The following CWC27 variants were observed in gnomAD, a reference collection of about 807,000 sequenced individuals.
CWC27 encodes the protein spliceosome-associated protein CWC27 homolog.
Under a neutral mutation model 63.6 loss-of-function variants are expected in CWC27, and 47 were observed. The observed-to-expected ratio is 0.74, with a 90% confidence interval of 0.58 to 0.94. The LOEUF is 0.94. Among genes scored for constraint, CWC27 ranks in the 40% least tolerant of loss-of-function variants. CWC27 has a pLI of 0.00. For missense variants in CWC27, 495 were observed against 554.3 expected (o/e 0.89, Z 1.07); for synonymous variants, 175 against 179.8 (o/e 0.97, Z 0.22).
At chr5:64,959,957 T>C (rs1256317563) in intron 11 of CWC27, among the ~76,000 whole-genome samples, 1 of 152,206 alleles carries the variant, frequency 6.6e-6, no homozygotes, top group African/African-American at 2.4e-5. Flanking sequence ...ACGAAGTGTT[T>C]TGAAGGTTCA....
At chr5:64,796,090 G>C (rs778560632) in intron 7 of CWC27, among the ~76,000 whole-genome samples, 2 of 151,488 alleles carry the variant, frequency 1.3e-5, no homozygotes, top group Admixed American at 6.6e-5. Flanking sequence ...CCAGTCAGCA[G>C]TGATGTCAAG....
chr5:64,877,191 A>C (rs1746814194), intron 10 of CWC27, among the ~76,000 whole-genome samples: 1 of 152,120 alleles, frequency 6.6e-6, no homozygotes, highest in African/African-American at 2.4e-5. Context: ...GAATGGAAAA[A>C]GAAACTGTGG....
chr5:64,810,298 C>G (rs1309721264), intron 10 of CWC27, among the ~76,000 whole-genome samples: 1 of 152,048 alleles, frequency 6.6e-6, no homozygotes, highest in Non-Finnish European at 1.5e-5. Context: ...ATTAAAATAG[C>G]TTTATAATAC....
rs1743718119 is a variant in CWC27 at position 64,782,118 on chromosome 5, T to C, written c.252+85T>C. ...TTTGGATTGCTTAATCGAAAATGAT[T>C]GTGTTCCACAAGAGGAAAAAACGTT... On this transcript the variant is annotated intron_variant, in intron 3 of 13. Coordinates refer to ENST00000381070, the MANE Select transcript of CWC27 (RefSeq NM_005869.4). 4.3e-6 allele frequency: 3 copies of C among 691,272 alleles called. No homozygotes were observed. The Admixed American group carries it at 9.0e-5, about 21-fold the overall frequency. 42.8% of individuals were successfully genotyped at this position (691,272 alleles called of 1,614,324 possible).
At chr5:64,810,585 A>G (rs534684294) in intron 10 of CWC27, among the ~76,000 whole-genome samples, 12 of 152,098 alleles carry the variant, frequency 7.9e-5, no homozygotes, top group Non-Finnish European at 1.3e-4. Context: ...AATGTTACAT[A>G]GTTTTCAGCA....
intron 11 of CWC27, among the ~76,000 whole-genome samples, chr5:64,917,895 C>T (rs939874225): frequency 2.6e-5 from 4 of 152,056 alleles, no homozygotes; most frequent in South Asian, 2.1e-4. Context: ...TGAAACTTCT[C>T]GGGCTCCATT....
intron 11 of CWC27, among the ~76,000 whole-genome samples, chr5:64,893,043 G>A (rs1466628480): frequency 6.6e-6 from 1 of 152,148 alleles, no homozygotes; most frequent in Non-Finnish European, 1.5e-5. Flanking sequence ...AAGAGGTGAA[G>A]GGTATGTGTA....
intron 12 of CWC27, among the ~76,000 whole-genome samples, chr5:64,975,350 C>G (rs914392060): frequency 6.6e-6 from 1 of 151,952 alleles, no homozygotes; most frequent in Non-Finnish European, 1.5e-5. Context: ...TCTAATATAC[C>G]AGTTATTCAC....
intron 10 of CWC27, among the ~76,000 whole-genome samples, chr5:64,844,002 A>G (rs1288376473): frequency 1.3e-5 from 2 of 152,102 alleles, no homozygotes; most frequent in African/African-American, 4.8e-5. Context: ...CTACACTTGG[A>G]AACAAGCCTG....
chr5:64,983,533 G>A (rs1749365511), intron 13 of CWC27, among the ~76,000 whole-genome samples: 1 of 152,198 alleles, frequency 6.6e-6, no homozygotes, highest in Non-Finnish European at 1.5e-5. Context: ...TGTAATGATG[G>A]TCCTTTTTTA....
rs181125887 is a variant in CWC27, at chr5:64,852,761, C to G, written c.939-32682C>G. On this transcript the variant is annotated intron_variant, in intron 10 of 13. Transcript: ENST00000381070. ...GTGCTGGAATTACAGGCGTGAGCCA[C>G]TGCTCCCGGCCACCTTTTTTTTTTT... 1.5e-3 allele frequency among the ~76,000 whole-genome samples: 222 copies of G among 151,846 alleles called. 1 individual carries two copies. Among genetic ancestry groups the G allele is most frequent in the African/African-American group, 4.9e-3 (204 of 41,454 alleles).
chr5:64,922,491 C>T (rs1433815941), intron 11 of CWC27, among the ~76,000 whole-genome samples: 1 of 152,110 alleles, frequency 6.6e-6, no homozygotes, highest in African/African-American at 2.4e-5. Context: ...CAGTTTGGTT[C>T]TTTCTTTAAA....
At chr5:64,967,823 A>G (rs544149007) in intron 11 of CWC27, among the ~76,000 whole-genome samples, 2 of 152,156 alleles carry the variant, frequency 1.3e-5, no homozygotes, top group Admixed American at 6.5e-5. Flanking sequence ...ACTAAGAGAA[A>G]GCATTAGAAA....
chr5:64,809,017 A>G (rs1332610333), intron 10 of CWC27, among the ~76,000 whole-genome samples: 1 of 152,210 alleles, frequency 6.6e-6, no homozygotes, highest in Non-Finnish European at 1.5e-5. Context: ...TACAAACTAA[A>G]TATATCCATA....
At chr5:64,830,274 G>C (rs1745482878) in intron 10 of CWC27, among the ~76,000 whole-genome samples, 1 of 150,538 alleles carries the variant, frequency 6.6e-6, no homozygotes, top group Non-Finnish European at 1.5e-5. Flanking sequence ...TGCAGTATTT[G>C]GTTTTCTATC....
intron 10 of CWC27, among the ~76,000 whole-genome samples, chr5:64,861,671 A>G (rs1393291142): frequency 6.6e-6 from 1 of 152,202 alleles, no homozygotes; most frequent in Non-Finnish European, 1.5e-5. Flanking sequence ...TAAAGTTAAA[A>G]CAATGAAGAG....
At chr5:64,972,089 C>T (rs967337984) in intron 12 of CWC27, among the ~76,000 whole-genome samples, 2 of 152,142 alleles carry the variant, frequency 1.3e-5, no homozygotes, top group South Asian at 2.1e-4. Flanking sequence ...CATGTATCCT[C>T]AGAAACCCAG....
chr5:64,905,200 C>CAAAAAAAAAAA lies in CWC27; in HGVS notation c.1042+19668_1042+19678dup, dbSNP rs71608574. On this transcript the variant is annotated intron_variant, in intron 11 of 13. Coordinates refer to ENST00000381070, the MANE Select transcript of CWC27 (RefSeq NM_005869.4). ...TGGGCGACAGAGCCACACTACATCT[C>CAAAAAAAAAAA]AAAAAAAAAAAAAAAAAAAAAAAAC... Among the ~76,000 whole-genome samples the CAAAAAAAAAAA allele has an allele frequency of 9.2e-4, 51 of 55,558 alleles. 2 individuals carry two copies. Among genetic ancestry groups the CAAAAAAAAAAA allele is most frequent in the African/African-American group, 3.3e-3 (49 of 14,826 alleles). 36.4% of individuals were successfully genotyped at this position (55,558 alleles called of 152,430 possible).
At chr5:64,871,600 C>G (rs1485717696) in intron 10 of CWC27, among the ~76,000 whole-genome samples, 1 of 152,084 alleles carries the variant, frequency 6.6e-6, no homozygotes, top group African/African-American at 2.4e-5. Flanking sequence ...ACCTTGCAGT[C>G]TTAAGGAGTT....
Sources: allele counts gnomAD v4.1 joint callset (sites outside exome capture counted in the v4.1 genomes callset), GRCh38; gene constraint gnomAD v4.1.1; transcripts MANE v1.5; gene names NCBI Gene and HGNC (gene_info 2026-07-23, HGNC 2026-07-21).